Variants in AUTS2 observed in about 807,000 individuals in gnomAD.
AUTS2 encodes the protein autism susceptibility gene 2 protein.
In AUTS2, 17 loss-of-function variants were observed where a neutral mutation model predicts 112.4. That is an observed-to-expected ratio of 0.15 (90% CI 0.10 to 0.23). The LOEUF is 0.23. Ranked by LOEUF, AUTS2 falls within the 10% of genes least tolerant of loss-of-function variation. AUTS2 has a pLI of 1.00. For missense variants in AUTS2, 1,510 were observed against 1,701.6 expected, an observed-to-expected ratio of 0.89 and a Z score of 1.98; for synonymous variants, 751 against 702.7, an observed-to-expected ratio of 1.07 and a Z score of -1.09.
At chr7:69,894,257 T>TG (rs1050109201) in intron 1 of AUTS2, among the ~76,000 whole-genome samples, 8 of 131,788 alleles carry the variant, frequency 6.1e-5, no homozygotes, top group South Asian at 2.6e-4. Context: ...AAAGCGTTTT[T>TG]TTTTTTTTTT....
At chr7:70,735,272 A>C (rs1787711328) in intron 6 of AUTS2, among the ~76,000 whole-genome samples, 1 of 152,232 alleles carries the variant, frequency 6.6e-6, no homozygotes, top group Non-Finnish European at 1.5e-5. Context: ...TTCTGAAATC[A>C]AGAAACAAAC....
intron 1 of AUTS2, among the ~76,000 whole-genome samples, chr7:69,672,145 C>T (rs553784391): frequency 2.6e-4 from 40 of 152,096 alleles, no homozygotes; most frequent in Admixed American, 2.6e-4. Flanking sequence ...CTGCAACCTC[C>T]GCCTCCCAGG....
chr7:70,747,726 TC>T (rs1356408266), intron 6 of AUTS2, among the ~76,000 whole-genome samples: 1 of 151,936 alleles, frequency 6.6e-6, no homozygotes, highest in Non-Finnish European at 1.5e-5. Flanking sequence ...CCTCAGGTGA[TC>T]CGCCCGCCTC....
At chr7:70,503,335 A>G (rs970017285) in intron 5 of AUTS2, among the ~76,000 whole-genome samples, 1 of 151,984 alleles carries the variant, frequency 6.6e-6, no homozygotes, top group Non-Finnish European at 1.5e-5. Flanking sequence ...TAAGTGTAGC[A>G]TTAGATTTAC....
chr7:70,379,076 G>T (rs1793249338), intron 4 of AUTS2, among the ~76,000 whole-genome samples: 1 of 152,016 alleles, frequency 6.6e-6, no homozygotes, highest in African/African-American at 2.4e-5. Flanking sequence ...TATAAGCCAG[G>T]TTATCATATA....
intron 6 of AUTS2, among the ~76,000 whole-genome samples, chr7:70,734,300 C>G (rs1787646583): frequency 6.6e-6 from 1 of 151,908 alleles, no homozygotes; most frequent in South Asian, 2.1e-4. Flanking sequence ...ATTAGCTGGG[C>G]ATGGTGGCCG....
intron 1 of AUTS2, among the ~76,000 whole-genome samples, chr7:69,625,655 T>TC (rs1454898327): frequency 6.6e-6 from 1 of 152,068 alleles, no homozygotes; most frequent in Admixed American, 6.6e-5. Flanking sequence ...GTCCAGGGGT[T>TC]TGAGACCAGC....
intron 1 of AUTS2, among the ~76,000 whole-genome samples, chr7:69,884,029 G>A (rs1033439281): frequency 6.6e-6 from 1 of 152,174 alleles, no homozygotes; most frequent in Non-Finnish European, 1.5e-5. Context: ...ACATCCTCCA[G>A]CCCACTTCCT....
At chr7:70,693,953 G>A (rs1472324054) in intron 5 of AUTS2, 1 of 151,980 alleles carries the variant, frequency 6.6e-6, no homozygotes, top group Non-Finnish European at 1.5e-5. Flanking sequence ...CCGGGGACGA[G>A]AGGAGGGGCG....
At chr7:70,491,322 A>G (rs953392680) in intron 5 of AUTS2, among the ~76,000 whole-genome samples, 10 of 151,562 alleles carry the variant, frequency 6.6e-5, no homozygotes, top group South Asian at 6.3e-4. Flanking sequence ...TTTCCTTTAC[A>G]TATCTTAATG....
intron 5 of AUTS2, among the ~76,000 whole-genome samples, chr7:70,604,022 G>A (rs957780662): frequency 2.0e-5 from 3 of 152,106 alleles, no homozygotes; most frequent in Admixed American, 6.5e-5. Context: ...GCTTTAAAAC[G>A]TGCCTGGCCC....
rs1389966584 is a variant in AUTS2, at chr7:69,623,364, C to T, written c.309+23402C>T. Among the ~76,000 whole-genome samples, 3 of 150,272 alleles carry T rather than the reference C, an allele frequency of 2.0e-5. 1 individual carries two copies. In the East Asian group the frequency reaches 5.9e-4, roughly 30 times the overall value. On this transcript the variant is annotated intron_variant, in intron 1 of 18. Coordinates refer to ENST00000342771, the MANE Select transcript of AUTS2 (RefSeq NM_015570.4). Reference sequence around the variant, plus strand: ...TAGCCTCCCAAAAAGCTGGGACTACCACCACCACGCCCAGCAATTTTTTTT... The same window carrying T: ...TAGCCTCCCAAAAAGCTGGGACTACTACCACCACGCCCAGCAATTTTTTTT...
At chr7:70,427,032 A>G (rs565503807) in intron 4 of AUTS2, among the ~76,000 whole-genome samples, 2 of 151,344 alleles carry the variant, frequency 1.3e-5, no homozygotes, top group African/African-American at 4.9e-5. Context: ...GAAACTATAT[A>G]TGGGAAGGGA....
chr7:70,696,232 G>T (rs1369654106), intron 5 of AUTS2, among the ~76,000 whole-genome samples: 6 of 152,156 alleles, frequency 3.9e-5, no homozygotes, highest in Non-Finnish European at 7.4e-5. Flanking sequence ...TTTTGGCAAA[G>T]AATCTCTCTT....
chr7:70,504,533 T>A (rs959408364), intron 5 of AUTS2, among the ~76,000 whole-genome samples: 12 of 152,050 alleles, frequency 7.9e-5, no homozygotes, highest in Non-Finnish European at 1.0e-4. Flanking sequence ...GCAGTGTAGA[T>A]GTGTGAGTGA....
chr7:69,711,790 G>C (rs924239410), intron 1 of AUTS2, among the ~76,000 whole-genome samples: 2 of 152,090 alleles, frequency 1.3e-5, no homozygotes, highest in African/African-American at 4.8e-5. Flanking sequence ...AAAGATTATT[G>C]GTTCTGAGGA....
At chr7:69,763,819 A>G (rs1584208409) in intron 1 of AUTS2, among the ~76,000 whole-genome samples, 2 of 152,164 alleles carry the variant, frequency 1.3e-5, no homozygotes, top group African/African-American at 4.8e-5. Flanking sequence ...TACATAGCTC[A>G]TGTTCTCCTT....
At chr7:69,921,701 G>T (rs1383413524) in intron 2 of AUTS2, among the ~76,000 whole-genome samples, 1 of 149,980 alleles carries the variant, frequency 6.7e-6, no homozygotes, top group Non-Finnish European at 1.5e-5. Context: ...AACCCAGGAG[G>T]CAGTGAGCCG....
Position 70,110,282 on chromosome 7 carries a change from G to A in AUTS2, c.523-7850G>A, listed in dbSNP as rs142806712. On this transcript the variant is annotated intron_variant, in intron 2 of 18. Coordinates refer to ENST00000342771, the MANE Select transcript of AUTS2 (RefSeq NM_015570.4). ...AGTAATCCCAACACTTTGGGAGGCC[G>A]ATGTGGCTGGATAATCTGAGATCAG... 2.9e-3 allele frequency among the ~76,000 whole-genome samples: 441 copies of A among 152,340 alleles called. 5 individuals are homozygous for A. The highest frequency in any genetic ancestry group is 0.01 in the African/African-American group (427 of 41,574).
Sources: allele counts gnomAD v4.1 joint callset (sites outside exome capture counted in the v4.1 genomes callset), GRCh38; gene constraint gnomAD v4.1.1; transcripts MANE v1.5; gene names NCBI Gene and HGNC (gene_info 2026-07-23, HGNC 2026-07-21).